Variants in DMD observed in about 807,000 individuals in gnomAD.
The protein encoded by DMD is mutant dystrophin.
A neutral mutation model predicts 330.1 loss-of-function variants in DMD; 63 were observed. The observed-to-expected ratio is 0.19, with a 90% CI of 0.16 to 0.24. DMD has a LOEUF of 0.24. Among genes scored for constraint, DMD ranks in the 10% least tolerant of loss-of-function variants. The pLI is 1.00. For synonymous variants in DMD, 1,223 were observed against 959.8 expected, an observed-to-expected ratio of 1.27 and a Z score of -5.07; for missense variants, 3,344 against 2,684.1, an observed-to-expected ratio of 1.25 and a Z score of -5.43.
intron 18 of DMD, among the ~76,000 whole-genome samples, chrX:32,503,784 G>C (rs228317): frequency 9.1e-6 from 1 of 109,991 alleles, no homozygotes; most frequent in East Asian, 2.9e-4. Context: ...TCAAACTCCT[G>C]ACCTCATCAT....
chrX:31,900,310 T>C (rs997978571), intron 47 of DMD, among the ~76,000 whole-genome samples: 2 of 111,088 alleles, frequency 1.8e-5, no homozygotes, highest in African/African-American at 6.6e-5. Flanking sequence ...AGGGACCCAG[T>C]GGGAGGTAAT....
At chrX:31,509,592 G>C (rs1192163416) in intron 55 of DMD, among the ~76,000 whole-genome samples, 1 of 111,680 alleles carries the variant, frequency 9.0e-6, no homozygotes, top group Non-Finnish European at 1.9e-5. Context: ...TGATAGCAGA[G>C]ACCCAGGCTC....
At chrX:31,581,625 T>C (rs2076344150) in intron 55 of DMD, among the ~76,000 whole-genome samples, 1 of 112,249 alleles carries the variant, frequency 8.9e-6, no homozygotes, top group African/African-American at 3.2e-5. Context: ...GATACTTCAA[T>C]GCACTGAATT....
At chrX:32,719,878 ACT>A (rs1163790084) in intron 7 of DMD, among the ~76,000 whole-genome samples, 1 of 109,879 alleles carries the variant, frequency 9.1e-6, no homozygotes, top group Non-Finnish European at 1.9e-5. Context: ...CACCAGATAG[ACT>A]CTATCATATA....
At chrX:31,146,158 G>T in intron 76 of DMD, 133 bp downstream of exon 76, 2 of 787,212 alleles carry the variant, frequency 2.5e-6, no homozygotes, top group Admixed American at 2.4e-5. Context: ...GACTTTTTTC[G>T]CCTGGTATAT....
chrX:31,575,950 T>G (rs1163017633), intron 55 of DMD, among the ~76,000 whole-genome samples: 3 of 112,309 alleles, frequency 2.7e-5, no homozygotes, highest in Admixed American at 9.4e-5. Flanking sequence ...TCTTTCAGAC[T>G]GAGCTAATTA....
chrX:32,431,421 A>G (rs898227640), intron 29 of DMD, among the ~76,000 whole-genome samples: 64 of 110,888 alleles, frequency 5.8e-4, no homozygotes, highest in Non-Finnish European at 1.1e-4. Flanking sequence ...TGGGTTATAT[A>G]ATTTTTTTAT....
intron 12 of DMD, among the ~76,000 whole-genome samples, chrX:32,603,331 C>A (rs1417002410): frequency 9.0e-6 from 1 of 111,180 alleles, no homozygotes. Context: ...AGACATACAA[C>A]ATACCTCCAC....
intron 56 of DMD, among the ~76,000 whole-genome samples, chrX:31,503,843 CT>C (rs1007720030): frequency 9.1e-6 from 1 of 109,963 alleles, no homozygotes; most frequent in African/African-American, 3.3e-5. Flanking sequence ...CAGAATGATG[CT>C]TGGTGAGAAA....
intron 6 of DMD, among the ~76,000 whole-genome samples, chrX:32,812,775 T>C (rs976411765): frequency 1.3e-4 from 15 of 112,294 alleles, no homozygotes; most frequent in Non-Finnish European, 2.6e-4. Context: ...AACAAGCTTA[T>C]GGAAACTAGC....
intron 48 of DMD, among the ~76,000 whole-genome samples, chrX:31,851,963 T>C (rs1044111826): frequency 1.0e-4 from 11 of 109,863 alleles, no homozygotes; most frequent in African/African-American, 3.3e-4. Flanking sequence ...AGACAGCAAG[T>C]GCAAAGGCCC....
At chrX:32,962,784 T>C (rs1297204130) in intron 2 of DMD, among the ~76,000 whole-genome samples, 1 of 112,214 alleles carries the variant, frequency 8.9e-6, no homozygotes, top group Non-Finnish European at 1.9e-5. Flanking sequence ...GCAATATTAC[T>C]GCAGTACAAG....
At chrX:32,858,425 G>A (rs1156314712) in intron 2 of DMD, among the ~76,000 whole-genome samples, 2 of 112,030 alleles carry the variant, frequency 1.8e-5, no homozygotes, top group Non-Finnish European at 3.8e-5. Flanking sequence ...CGCCTCCCAG[G>A]TTCAAGTGAT....
At chrX:31,389,470 A>C (rs1200541444) in intron 60 of DMD, among the ~76,000 whole-genome samples, 1 of 112,319 alleles carries the variant, frequency 8.9e-6, no homozygotes, top group African/African-American at 3.2e-5. Context: ...ATCAGTCAAT[A>C]AGAGCTTGCT....
At position 32,640,105 on chromosome X, in the gene DMD, T is replaced by C. The variant is rs368579286; in HGVS notation, c.1331+4027A>G. On this transcript the variant is annotated intron_variant, in intron 11 of 78. Coordinates refer to ENST00000357033, the MANE Select transcript of DMD (RefSeq NM_004006.3). ...ATACAAAATATATGAAATATAATTA[T>C]ATATAAAATTATATAATACTTCATA... Among the ~76,000 whole-genome samples, 10 of 108,652 alleles carry C rather than the reference T, an allele frequency of 9.2e-5. No individual in the cohort carries two copies. The South Asian group carries it at 3.8e-3, about 42-fold the overall frequency. 94.4% of individuals were successfully genotyped at this position (108,652 alleles called of 115,157 possible).
chrX:31,332,277 A>G (rs758317190), intron 61 of DMD, among the ~76,000 whole-genome samples: 2 of 112,481 alleles, frequency 1.8e-5, no homozygotes, highest in East Asian at 5.6e-4. Context: ...GGCATGCTTC[A>G]GTATGAAGTA....
At chrX:33,110,838 T>C (rs2095334073) in intron 1 of DMD, among the ~76,000 whole-genome samples, 1 of 111,078 alleles carries the variant, frequency 9.0e-6, no homozygotes, top group Non-Finnish European at 1.9e-5. Flanking sequence ...CCGAATTGTG[T>C]ATTGAACGTT....
chrX:33,189,671 G>A (rs2050436639), intron 1 of DMD, among the ~76,000 whole-genome samples: 1 of 111,158 alleles, frequency 9.0e-6, no homozygotes, highest in Non-Finnish European at 1.9e-5. Flanking sequence ...AAAGGGTTAG[G>A]AGTAAGAGAT....
At chrX:31,768,841 C>T (rs1032596874) in intron 51 of DMD, among the ~76,000 whole-genome samples, 3 of 111,970 alleles carry the variant, frequency 2.7e-5, no homozygotes, top group Non-Finnish European at 5.6e-5. Context: ...GCATATTTCA[C>T]ATCTCTATTC....
Sources: gnomAD v4.1 joint callset for allele counts (sites outside exome capture counted in the v4.1 genomes callset) on GRCh38, gnomAD v4.1.1 for gene constraint, MANE v1.5 for transcripts, NCBI Gene and HGNC (gene_info 2026-07-23, HGNC 2026-07-21) for gene names.